The following TRAPPC9 variants were observed in gnomAD, a reference collection of about 807,000 sequenced individuals.
TRAPPC9 encodes the protein trafficking protein particle complex subunit 9, also known as IKK2 binding protein.
A neutral mutation model predicts 124.0 loss-of-function variants in TRAPPC9; 83 were observed. The ratio of observed to expected loss-of-function variants is 0.67; its 90% CI spans 0.56 to 0.80. The LOEUF (loss-of-function observed/expected upper bound fraction) is 0.80. TRAPPC9 is among the 30% of genes least tolerant of loss of function. The pLI is 0.00. For missense variants in TRAPPC9, 1,302 were observed against 1,508.3 expected, an observed-to-expected ratio of 0.86 and a Z score of 2.27; for synonymous variants, 638 against 617.5, an observed-to-expected ratio of 1.03 and a Z score of -0.49.
In TRAPPC9 at chr8:140,334,708, C is replaced by T. The variant is rs183666728; in HGVS notation, c.1496-23334G>A. 1.0e-3 allele frequency among the ~76,000 whole-genome samples: 154 copies of T among 152,024 alleles called. 1 individual carries two copies. The highest frequency in any genetic ancestry group is 1.9e-3 in the Non-Finnish European group (131 of 67,996). On this transcript the variant is annotated intron_variant, in intron 9 of 22. Transcript: ENST00000438773. The stretch of plus-strand genomic sequence containing the variant: ...AAATAAGTTCCACATGTATTGACTA[C>T]TTTCTAGTAGCATTGCCCAAAATGA...
At chr8:140,162,915 C>T (rs186972211) in intron 17 of TRAPPC9, among the ~76,000 whole-genome samples, 198 of 152,004 alleles carry the variant, frequency 1.3e-3, no homozygotes, top group Admixed American at 2.3e-3. Context: ...TTGCTTGAGC[C>T]CAGGAGTTCA....
At chr8:140,319,532 G>A (rs900554006) in intron 9 of TRAPPC9, among the ~76,000 whole-genome samples, 1 of 151,554 alleles carries the variant, frequency 6.6e-6, no homozygotes, top group African/African-American at 2.4e-5. Context: ...CTGGAGTACA[G>A]TGGCGCGATC....
intron 19 of TRAPPC9, among the ~76,000 whole-genome samples, chr8:139,986,335 T>G (rs1484147979): frequency 6.6e-6 from 1 of 152,132 alleles, no homozygotes; most frequent in African/African-American, 2.4e-5. Flanking sequence ...AACATGGATG[T>G]GGAATGATAC....
intron 10 of TRAPPC9, among the ~76,000 whole-genome samples, chr8:140,309,406 C>A (rs2066229520): frequency 6.6e-6 from 1 of 152,226 alleles, no homozygotes; most frequent in Non-Finnish European, 1.5e-5. Context: ...CCCAGGGCCT[C>A]TCGCTTAACT....
chr8:139,979,401 C>A (rs1334569268), intron 19 of TRAPPC9, among the ~76,000 whole-genome samples: 1 of 152,156 alleles, frequency 6.6e-6, no homozygotes, highest in Non-Finnish European at 1.5e-5. Flanking sequence ...GATGGAGGAC[C>A]AAGGTGGTGG....
At chr8:140,167,852 C>T (rs547236326) in intron 17 of TRAPPC9, among the ~76,000 whole-genome samples, 244 of 152,312 alleles carry the variant, frequency 1.6e-3, no homozygotes, top group African/African-American at 5.5e-3. Context: ...CGATGATTAA[C>T]TGAAGGGAAA....
At chr8:140,005,577 A>G (rs1412051898) in intron 18 of TRAPPC9, among the ~76,000 whole-genome samples, 1 of 152,090 alleles carries the variant, frequency 6.6e-6, no homozygotes, top group East Asian at 1.9e-4. Flanking sequence ...CTCAATCAGC[A>G]CGGCTTATTG....
chr8:140,348,455 A>T (rs922020866), intron 9 of TRAPPC9, among the ~76,000 whole-genome samples: 1 of 152,212 alleles, frequency 6.6e-6, no homozygotes, highest in Admixed American at 6.5e-5. Context: ...TGCATCCAGC[A>T]GTGTCTCAAC....
In TRAPPC9 at chr8:139,825,649, G is replaced by A. The variant is rs766573236; in HGVS notation, c.3055+60230C>T. The stretch of plus-strand genomic sequence containing the variant: ...CACTTCCACCCGGGGGAAATTTCAT[G>A]GCTCTGGTTTGTTTGCTTTGGGCCA... On this transcript the variant is annotated intron_variant, in intron 21 of 22. Coordinates refer to ENST00000438773, the MANE Select transcript of TRAPPC9 (RefSeq NM_001160372.4). The surrounding 1 kb of genome is among the most constrained non-coding windows in gnomAD (Gnocchi z 4.6). Among the ~76,000 whole-genome samples, 3 of 152,158 alleles carry A rather than the reference G, an allele frequency of 2.0e-5. No homozygotes were observed. Among genetic ancestry groups the A allele is most frequent in the Non-Finnish European group, 2.9e-5 (2 of 68,026 alleles).
rs1821415033 is a variant in TRAPPC9 at position 139,776,712 on chromosome 8, C to T, written c.3056-44510G>A. ...CAGAAAGGCACATGTGTGCTGGCTT[C>T]AAGAGCTTGGTGTAGGACAGGCTCC... On this transcript the variant is annotated intron_variant, in intron 21 of 22. Coordinates refer to ENST00000438773, the MANE Select transcript of TRAPPC9 (RefSeq NM_001160372.4). This position sits in a 1 kb window ranked among gnomAD's most constrained non-coding sequence, Gnocchi z 4.1. Among the ~76,000 whole-genome samples, 1 of 152,054 alleles carries T rather than the reference C, an allele frequency of 6.6e-6. No individual in the cohort carries two copies. Among genetic ancestry groups the T allele is most frequent in the East Asian group, 1.9e-4 (1 of 5,164 alleles).
chr8:139,864,964 G>A (rs867818680), intron 21 of TRAPPC9, among the ~76,000 whole-genome samples: 6 of 152,180 alleles, frequency 3.9e-5, no homozygotes, highest in South Asian at 2.1e-4. Context: ...AACATTGCCC[G>A]GAAGCTCACG....
intron 21 of TRAPPC9, among the ~76,000 whole-genome samples, chr8:139,748,839 C>G (rs1819129766): frequency 6.6e-6 from 1 of 152,104 alleles, no homozygotes; most frequent in Admixed American, 6.5e-5. Flanking sequence ...CTTCCTCCCC[C>G]CAGGCCCTAG....
chr8:140,106,609 A>G (rs1040172002), intron 17 of TRAPPC9, among the ~76,000 whole-genome samples: 11 of 152,268 alleles, frequency 7.2e-5, no homozygotes, highest in Non-Finnish European at 1.0e-4. Context: ...GGGGGCAGTG[A>G]GGTAGGACAG....
At position 139,742,446 on chromosome 8, in the gene TRAPPC9, C is replaced by T. The variant is rs781402710; in HGVS notation, c.3056-10244G>A. On this transcript the variant is annotated intron_variant, in intron 21 of 22. Transcript: ENST00000438773. The surrounding 1 kb of genome is among the most constrained non-coding windows in gnomAD (Gnocchi z 4.7). ...ACCTCCATATTTCAGGAGTTTCTCA[C>T]ATTTTGGAGCCTGGGGCCAGACAGC... Among the ~76,000 whole-genome samples, 3 of 152,202 alleles carry T rather than the reference C, an allele frequency of 2.0e-5. No homozygotes were observed. Among genetic ancestry groups the T allele is most frequent in the Non-Finnish European group, 2.9e-5 (2 of 68,036 alleles).
chr8:140,384,570 T>C (rs1233600171), intron 7 of TRAPPC9, among the ~76,000 whole-genome samples: 1 of 152,150 alleles, frequency 6.6e-6, no homozygotes, highest in African/African-American at 2.4e-5. Context: ...AAGAAGGCCA[T>C]TACATAATGG....
intron 9 of TRAPPC9, among the ~76,000 whole-genome samples, chr8:140,320,539 C>T (rs1294964879): frequency 1.3e-5 from 2 of 152,158 alleles, no homozygotes; most frequent in Admixed American, 6.5e-5. Context: ...GGCTCTGTGA[C>T]CAACGAACTC....
chr8:140,420,366 G>C (rs781617032), intron 5 of TRAPPC9, among the ~76,000 whole-genome samples: 1 of 152,058 alleles, frequency 6.6e-6, no homozygotes, highest in Non-Finnish European at 1.5e-5. Context: ...ATGACCATCT[G>C]ATCCTAAAAT....
chr8:139,960,405 G>A (rs1000133182), intron 19 of TRAPPC9, among the ~76,000 whole-genome samples: 9 of 152,118 alleles, frequency 5.9e-5, no homozygotes, highest in Non-Finnish European at 1.2e-4. Context: ...CCTGAGCCCC[G>A]ACACCCCGTG....
chr8:139,915,038 A>T (rs1333964417), intron 19 of TRAPPC9: 1 of 152,224 alleles, frequency 6.6e-6, no homozygotes, highest in Non-Finnish European at 1.5e-5. Context: ...TTATCTTTGG[A>T]AACTGCGTGG....
Sources: gnomAD v4.1 joint callset for allele counts (sites outside exome capture counted in the v4.1 genomes callset) on GRCh38, gnomAD v4.1.1 for gene constraint, Gnocchi (gnomAD v3.1) non-coding constraint, MANE v1.5 for transcripts, NCBI Gene and HGNC (gene_info 2026-07-23, HGNC 2026-07-21) for gene names.